WDFY4: variants seen among roughly 807,000 people sequenced by gnomAD.
WDFY4 encodes WD repeat- and FYVE domain-containing protein 4.
A neutral mutation model predicts 351.9 loss-of-function variants in WDFY4; 169 were observed. The ratio of observed to expected loss-of-function variants is 0.48; its 90% CI spans 0.42 to 0.55. The LOEUF (loss-of-function observed/expected upper bound fraction) is 0.55, where lower values mean the gene tolerates loss of function less well. Among genes scored for constraint, WDFY4 ranks in the 20% least tolerant of loss-of-function variants. The pLI is 0.00. For synonymous variants in WDFY4, 1,622 were observed against 1,574.6 expected, an observed-to-expected ratio of 1.03 and a Z score of -0.71; for missense variants, 3,803 against 3,935.6, an observed-to-expected ratio of 0.97 and a Z score of 0.90.
chr10:48,719,925 G>T, intron 2 of WDFY4, 86 bp from the exon 3 acceptor site: 1 of 1,234,160 alleles, frequency 8.1e-7, no homozygotes, highest in Non-Finnish European at 1.2e-6. Context: ...TGTCAGCTTG[G>T]GCTGGTGAAG....
intron 39 of WDFY4, among the ~76,000 whole-genome samples, chr10:48,835,536 C>T (rs1037769880): frequency 2.6e-5 from 4 of 152,172 alleles, no homozygotes; most frequent in Non-Finnish European, 5.9e-5. Flanking sequence ...GGAATGTCTC[C>T]CTCACCTTTT....
intron 47 of WDFY4, among the ~76,000 whole-genome samples, chr10:48,926,074 C>T (rs1036022110): frequency 6.6e-6 from 1 of 152,262 alleles, no homozygotes; most frequent in African/African-American, 2.4e-5. Context: ...TGTGCCACCT[C>T]TCTCTCTCCT....
chr10:48,806,664 A>G (rs1161795183), intron 27 of WDFY4, among the ~76,000 whole-genome samples: 1 of 152,246 alleles, frequency 6.6e-6, no homozygotes, highest in Non-Finnish European at 1.5e-5. Flanking sequence ...AGCCAGGTGC[A>G]GAACTGCAGC....
chr10:48,743,226 G>A lies in WDFY4; in HGVS notation c.2137G>A (p.Glu713Lys), dbSNP rs2132417415. ...GAATGGGCTCTTTGAGAAGCTGGCC[G>A]AGGACCTCTGCCTGCTGGGCTGTTT... ...RRNGLFEKLA[E>K]DLCLLGCFGA... The change falls in exon 12 of 62, where the codon GAG (glutamate) becomes AAG (lysine). Residue 713 changes from glutamate (E) to lysine (K), a missense_variant. This residue lies in a region of WDFY4 where 3,054 missense variants were observed against 3,148.6 expected (regional missense o/e 0.97). Coordinates refer to ENST00000325239, the MANE Select transcript of WDFY4 (RefSeq NM_001394531.1). 8.4e-6 allele frequency: 13 copies of A among 1,551,730 alleles called. No homozygotes were observed. The highest frequency in any genetic ancestry group is 2.7e-5 in the African/African-American group (2 of 73,174).
intron 2 of WDFY4, among the ~76,000 whole-genome samples, chr10:48,711,855 T>A (rs1335919222): frequency 6.6e-6 from 1 of 152,148 alleles, no homozygotes; most frequent in Non-Finnish European, 1.5e-5. Flanking sequence ...AAAATCAGAT[T>A]TCTAATTTAT....
intron 13 of WDFY4, among the ~76,000 whole-genome samples, chr10:48,762,202 T>C (rs1300486204): frequency 2.0e-5 from 3 of 152,196 alleles, no homozygotes; most frequent in Admixed American, 6.5e-5. Context: ...ATATTGCAAG[T>C]CCTCTGAGAT....
At chr10:48,762,867 A>C (rs2065553068) in intron 13 of WDFY4, among the ~76,000 whole-genome samples, 1 of 152,252 alleles carries the variant, frequency 6.6e-6, no homozygotes, top group Non-Finnish European at 1.5e-5. Flanking sequence ...AGCTTTGGTC[A>C]AAGTTAGTCA....
At chr10:48,832,018 G>A (rs189626616) in intron 38 of WDFY4, among the ~76,000 whole-genome samples, 152 of 152,316 alleles carry the variant, frequency 1.0e-3, no homozygotes, top group African/African-American at 3.2e-3. Context: ...ACATTCAAAC[G>A]ATAGCAATAC....
chr10:48,686,495 A>T (rs575008640), intron 1 of WDFY4, among the ~76,000 whole-genome samples: 1 of 152,140 alleles, frequency 6.6e-6, no homozygotes, highest in African/African-American at 2.4e-5. Context: ...AAGCAGCAAC[A>T]GTCCAGAATT....
chr10:48,792,370 A>C (rs2066713620), intron 23 of WDFY4, among the ~76,000 whole-genome samples: 1 of 152,208 alleles, frequency 6.6e-6, no homozygotes, highest in Admixed American at 6.5e-5. Flanking sequence ...CTCAGTCTAC[A>C]CATCTCTACT....
intron 23 of WDFY4, among the ~76,000 whole-genome samples, chr10:48,795,385 A>T: frequency 6.6e-6 from 1 of 151,070 alleles, no homozygotes; most frequent in Admixed American, 6.6e-5. Context: ...TTGACATTTG[A>T]CACTGTTTGA....
chr10:48,737,282 T>A (rs2064702022), intron 11 of WDFY4, among the ~76,000 whole-genome samples: 1 of 152,138 alleles, frequency 6.6e-6, no homozygotes, highest in Admixed American at 6.5e-5. Flanking sequence ...AGTGCTAGGA[T>A]CATAGGTGTG....
chr10:48,957,396 C>T, intron 52 of WDFY4, 114 bp downstream of exon 52: 1 of 1,342,774 alleles, frequency 7.4e-7, no homozygotes. Context: ...CCCAGGACCT[C>T]AACTTCGGGT....
At chr10:48,786,909 T>C in intron 20 of WDFY4, 39 bp downstream of exon 20, 1 of 1,522,404 alleles carries the variant, frequency 6.6e-7, no homozygotes, top group Non-Finnish European at 8.9e-7. Context: ...TTGCTGATAT[T>C]AGTTTTTAAA....
Position 48,943,319 on chromosome 10 carries a change from T to C in WDFY4, c.7630-11T>C, listed in dbSNP as rs1840878332. 6.4e-7 allele frequency: 1 copy of C among 1,551,480 alleles called. No individual in the cohort carries two copies. The highest frequency in any genetic ancestry group is 1.2e-5 in the South Asian group (1 of 84,056). On this transcript the variant is annotated splice_polypyrimidine_tract_variant and intron_variant, in intron 48 of 61. Coordinates refer to ENST00000325239, the MANE Select transcript of WDFY4 (RefSeq NM_001394531.1). The stretch of plus-strand genomic sequence containing the variant: ...GTATTTGGTTTATCCCCTTTCTGTC[T>C]CTTCTGGTAGAAAAGGGACATCAGC...
chr10:48,969,222 T>A lies in WDFY4; in HGVS notation c.8743T>A (p.Cys2915Ser). 1 of 1,551,532 alleles carries A rather than the reference T, an allele frequency of 6.4e-7. No individual in the cohort carries two copies. Among genetic ancestry groups the A allele is most frequent in the Non-Finnish European group, 8.7e-7 (1 of 1,146,932 alleles). Residue 2915 changes from cysteine to serine, a missense_variant, in exon 56 of 62, where the codon TGC (cysteine) becomes AGC (serine). By Grantham distance (112) the Cys-to-Ser change is moderately radical. Coordinates refer to ENST00000325239, the MANE Select transcript of WDFY4 (RefSeq NM_001394531.1). ...FSWGFDDFSCCLGSYGSDKVL... is the reference protein window; with the variant it reads ...FSWGFDDFSCSLGSYGSDKVL... ...CTGGGGCTTTGATGACTTCAGCTGC[T>A]GCTTGGGGAGCTACGGCTCCGACAA... is the stretch of plus-strand genomic sequence containing the variant.
intron 39 of WDFY4, among the ~76,000 whole-genome samples, chr10:48,866,897 A>G (rs1397767692): frequency 6.6e-6 from 1 of 152,116 alleles, no homozygotes; most frequent in African/African-American, 2.4e-5. Context: ...TAAAATCACA[A>G]CTATCACTCA....
Position 48,826,385 on chromosome 10 carries a change from T to G in WDFY4, c.5983-286T>G, listed in dbSNP as rs576864195. ...GGTAACTGTAGTCTCATAGTATAGTTTGAAGTCAGGTAGCATGATGCCTCC... is the reference window on the plus strand; with the variant it reads ...GGTAACTGTAGTCTCATAGTATAGTGTGAAGTCAGGTAGCATGATGCCTCC... On this transcript the variant is annotated intron_variant, in intron 35 of 61. Coordinates refer to ENST00000325239, the MANE Select transcript of WDFY4 (RefSeq NM_001394531.1). Among the ~76,000 whole-genome samples the G allele has an allele frequency of 2.0e-5, 3 of 152,338 alleles. 1 individual carries two copies. The East Asian group carries it at 5.8e-4, about 29-fold the overall frequency.
rs72797199 is a variant in WDFY4 at position 48,884,769 on chromosome 10, T to G, written c.7168-5810T>G. Among the ~76,000 whole-genome samples, 688 of 152,282 alleles carry G rather than the reference T, an allele frequency of 4.5e-3. 3 individuals are homozygous for G. Among genetic ancestry groups the G allele is most frequent in the Non-Finnish European group, 4.5e-3 (308 of 68,020 alleles). The stretch of plus-strand genomic sequence containing the variant: ...TCCTAACTCCAGACTTGGAGTCACC[T>G]CCTCAGGAACCGTTTCTCTGGTGTC... On this transcript the variant is annotated intron_variant, in intron 43 of 61. Coordinates refer to ENST00000325239, the MANE Select transcript of WDFY4 (RefSeq NM_001394531.1).
Sources: gnomAD v4.1 joint callset for allele counts (sites outside exome capture counted in the v4.1 genomes callset) on GRCh38, gnomAD v4.1.1 for gene constraint, gnomAD v4.1.1 regional missense constraint, MANE v1.5 for transcripts, NCBI Gene and HGNC (gene_info 2026-07-23, HGNC 2026-07-21) for gene names.